The following EPS15 variants were observed in gnomAD, a reference collection of about 807,000 sequenced individuals.
EPS15 encodes epidermal growth factor receptor substrate 15.
In EPS15, 72 loss-of-function variants were observed where a neutral mutation model predicts 113.8. The observed-to-expected ratio is 0.63, with a 90% CI of 0.52 to 0.77. The LOEUF (loss-of-function observed/expected upper bound fraction) is 0.77. Ranked by LOEUF, EPS15 falls within the 30% of genes least tolerant of loss-of-function variation. The probability of loss-of-function intolerance (pLI) is 0.00; values close to 1 mark genes in which losing one functional copy is unlikely to be tolerated. For synonymous variants in EPS15, 344 were observed against 363.4 expected (o/e 0.95, Z 0.61); for missense variants, 1,048 against 1,045.8 (o/e 1.00, Z -0.03).
chr1:51,406,068 T>C lies in EPS15; in HGVS notation c.1514A>G (p.His505Arg), dbSNP rs373781476. ...ACTGCACCAATTTAACTGACTATTA[T>C]GATTTTCCAAATCTTTCATTTCCAT... ...KLMEMKDLEN[H>R]NSQLNWCSSP... Residue 505 changes from histidine (H) to arginine (R), a missense_variant, in exon 16 of 25, where the codon CAT becomes CGT. By Grantham distance (29) the His-to-Arg change is conservative. Coordinates refer to ENST00000371733, the MANE Select transcript of EPS15 (RefSeq NM_001981.3). The C allele has an allele frequency of 6.9e-5, 112 of 1,614,090 alleles. 1 individual carries two copies. The Middle Eastern group carries it at 1.2e-3, about 17-fold the overall frequency.
At chr1:51,383,112 A>G (rs1646978525) in intron 21 of EPS15, among the ~76,000 whole-genome samples, 2 of 152,358 alleles carry the variant, frequency 1.3e-5, no homozygotes, top group South Asian at 2.1e-4. Flanking sequence ...CATTAACAGA[A>G]TGAGGGGAAA....
intron 12 of EPS15, among the ~76,000 whole-genome samples, chr1:51,430,399 T>C (rs1465996958): frequency 6.6e-6 from 1 of 151,684 alleles, no homozygotes; most frequent in East Asian, 1.9e-4. Context: ...TGAAACCCCA[T>C]CTCTACTAAA....
At chr1:51,454,867 TG>T (rs1418216491) in intron 8 of EPS15, among the ~76,000 whole-genome samples, 1 of 151,498 alleles carries the variant, frequency 6.6e-6, no homozygotes, top group Non-Finnish European at 1.5e-5. Flanking sequence ...CGAAGGGGAA[TG>T]GAAAACTGTG....
chr1:51,408,584 C>G (rs1649367617), intron 14 of EPS15, among the ~76,000 whole-genome samples: 1 of 151,584 alleles, frequency 6.6e-6, no homozygotes, highest in African/African-American at 2.4e-5. Context: ...CCAGCCATAC[C>G]TAGCCCTATT....
intron 21 of EPS15, among the ~76,000 whole-genome samples, chr1:51,378,059 C>T (rs2148374775): frequency 1.3e-5 from 2 of 152,162 alleles, no homozygotes; most frequent in Admixed American, 1.3e-4. Context: ...CCACGCCTGG[C>T]TAATTTTTTG....
intron 8 of EPS15, among the ~76,000 whole-genome samples, chr1:51,455,830 T>G (rs1416605482): frequency 6.6e-6 from 1 of 152,176 alleles, no homozygotes; most frequent in African/African-American, 2.4e-5. Context: ...TTTTTGTGTA[T>G]GTACATACAT....
intron 21 of EPS15, among the ~76,000 whole-genome samples, chr1:51,375,715 AATTCTC>A (rs1165847357): frequency 1.3e-5 from 2 of 152,224 alleles, no homozygotes; most frequent in African/African-American, 4.8e-5. Flanking sequence ...AATAATAACT[AATTCTC>A]CTTCTCCATA....
rs1653125641 is a variant in EPS15, at chr1:51,447,114, A to AG, written c.652-10dup. ...GCAGGGGATACAACCCACTACAGGG[A>AG]GGAAAAAAAACAGTATTTCTGCCAA... On this transcript the variant is annotated splice_polypyrimidine_tract_variant and intron_variant, in intron 9 of 24. Coordinates refer to ENST00000371733, the MANE Select transcript of EPS15 (RefSeq NM_001981.3). The AG allele has an allele frequency of 1.3e-6, 2 of 1,586,376 alleles. No individual in the cohort carries two copies. Among genetic ancestry groups the AG allele is most frequent in the East Asian group, 4.5e-5 (2 of 44,666 alleles).
chr1:51,444,890 T>G lies in EPS15; in HGVS notation c.953A>C (p.Lys318Thr), dbSNP rs1652881860. ...AGGTTTCCTTTTAAGCTTTCTTACC[T>G]TTTGTAAACTGGCCCTGTCTGATGG... ...IPPSDRASLQ[K>T]NIIGSSPVAD... The change falls in exon 11 of 25, where the codon AAG (lysine) becomes ACG (threonine). Residue 318 changes from lysine (K) to threonine (T), a missense_variant and splice_region_variant. Lys to Thr is a moderately conservative substitution (Grantham distance 78). Coordinates refer to ENST00000371733, the MANE Select transcript of EPS15 (RefSeq NM_001981.3). The G allele has an allele frequency of 3.1e-6, 5 of 1,612,408 alleles. No homozygotes were observed. Among genetic ancestry groups the G allele is most frequent in the Non-Finnish European group, 3.4e-6 (4 of 1,179,338 alleles).
At chr1:51,471,986 A>G (rs2148511915) in intron 3 of EPS15, among the ~76,000 whole-genome samples, 1 of 152,140 alleles carries the variant, frequency 6.6e-6, no homozygotes, top group South Asian at 2.1e-4. Context: ...TTTCTTTAAG[A>G]AATTATGAGG....
chr1:51,377,112 C>CA (rs1250110742), intron 21 of EPS15, among the ~76,000 whole-genome samples: 16 of 152,046 alleles, frequency 1.1e-4, no homozygotes, highest in Non-Finnish European at 4.4e-5. Flanking sequence ...ACTAAAAATA[C>CA]AAAAAATTAG....
Position 51,448,075 on chromosome 1 carries a change from C to T in EPS15, c.622G>A (p.Ala208Thr), listed in dbSNP as rs776439762. 1.9e-6 allele frequency: 3 copies of T among 1,613,778 alleles called. No individual in the cohort carries two copies. In the East Asian group the frequency reaches 6.7e-5, roughly 36 times the overall value. Residue 208 changes from alanine to threonine, a missense_variant, in exon 9 of 25, where the codon GCC becomes ACC. By Grantham distance (58) the Ala-to-Thr change is moderately conservative. Coordinates refer to ENST00000371733, the MANE Select transcript of EPS15 (RefSeq NM_001981.3). ...TTTCTCTTAGATGGTGGCACCAAGGCTGGAGGCAAGGACATTGGCACAGGT... is the reference window on the plus strand; with the variant it reads ...TTTCTCTTAGATGGTGGCACCAAGGTTGGAGGCAAGGACATTGGCACAGGT... ...KEPVPMSLPPALVPPSKRKTW... is the reference protein window; with the variant it reads ...KEPVPMSLPPTLVPPSKRKTW...
At position 51,461,148 on chromosome 1, in the gene EPS15, A is replaced by C. The variant is rs760745707; in HGVS notation, c.504T>G (p.Val168=). The change falls in exon 8 of 25, where the codon GTT becomes GTG. Residue 168 remains valine (V), a splice_region_variant and synonymous_variant. Coordinates refer to ENST00000371733, the MANE Select transcript of EPS15 (RefSeq NM_001981.3). ...SKLPVDILGR[V]WELSDIDHDG... is the part of the protein sequence containing the mutation. Reference sequence around the variant, plus strand: ...CATGGTCAATATCACTCAACTCCCAAACCTTAAAAAGAGAATAATTGAAAA... The same window carrying C: ...CATGGTCAATATCACTCAACTCCCACACCTTAAAAAGAGAATAATTGAAAA... 5 of 1,593,814 alleles carry C rather than the reference A, an allele frequency of 3.1e-6. No homozygotes were observed. The highest frequency in any genetic ancestry group is 3.4e-6 in the Non-Finnish European group (4 of 1,161,706).
At chr1:51,368,598 C>CT (rs1228266658) in intron 21 of EPS15, among the ~76,000 whole-genome samples, 4,686 of 139,602 alleles carry the variant, frequency 0.034, 240 homozygotes, top group African/African-American at 0.11. Context: ...TTTTTTGTTT[C>CT]TTTTTTTTTT....
At chr1:51,410,943 A>G (rs988519129) in intron 13 of EPS15, among the ~76,000 whole-genome samples, 5 of 152,216 alleles carry the variant, frequency 3.3e-5, no homozygotes, top group Non-Finnish European at 2.9e-5. Context: ...TTAGGTACTG[A>G]TATCATTTCA....
chr1:51,484,367 A>G (rs1644080778), intron 1 of EPS15, among the ~76,000 whole-genome samples: 1 of 152,284 alleles, frequency 6.6e-6, no homozygotes, highest in East Asian at 1.9e-4. Flanking sequence ...TTTGAGACCA[A>G]TCTAGGCAAC....
intron 8 of EPS15, among the ~76,000 whole-genome samples, chr1:51,454,132 ATT>A (rs1289337997): frequency 3.9e-5 from 6 of 152,048 alleles, no homozygotes; most frequent in African/African-American, 1.5e-4. Flanking sequence ...TAAACAGTTA[ATT>A]TTAATACAAC....
At chr1:51,478,158 T>C (rs1643948675) in intron 2 of EPS15, among the ~76,000 whole-genome samples, 1 of 152,204 alleles carries the variant, frequency 6.6e-6, no homozygotes, top group African/African-American at 2.4e-5. Context: ...TGTATATATA[T>C]TTAGGATAGT....
In EPS15 at chr1:51,366,577, A is replaced by G. The variant is rs910748174; in HGVS notation, c.2120-548T>C. Among the ~76,000 whole-genome samples the G allele has an allele frequency of 3.9e-5, 6 of 152,338 alleles. No homozygotes were observed. The South Asian group carries it at 6.2e-4, about 16-fold the overall frequency. ...GCAAATAAAGTAATGATTTATAGGTAAAGTACAGGTAAAGGAACAACTAGA... is the reference window on the plus strand; with the variant it reads ...GCAAATAAAGTAATGATTTATAGGTGAAGTACAGGTAAAGGAACAACTAGA... On this transcript the variant is annotated intron_variant, in intron 21 of 24. Coordinates refer to ENST00000371733, the MANE Select transcript of EPS15 (RefSeq NM_001981.3).
Sources: allele counts gnomAD v4.1 joint callset (sites outside exome capture counted in the v4.1 genomes callset), GRCh38; gene constraint gnomAD v4.1.1; transcripts MANE v1.5; gene names NCBI Gene and HGNC (gene_info 2026-07-23, HGNC 2026-07-21).